TSPEAR: variants seen among roughly 807,000 people sequenced by gnomAD.
TSPEAR encodes the protein thrombospondin type laminin G domain and EAR repeats.
Under a neutral mutation model 71.6 loss-of-function variants are expected in TSPEAR, and 69 were observed. The ratio of observed to expected loss-of-function variants is 0.96; its 90% CI spans 0.79 to 1.18. The LOEUF (loss-of-function observed/expected upper bound fraction) is 1.18. TSPEAR is among the 50% of genes most tolerant of loss of function. TSPEAR has a pLI of 0.00. For missense variants in TSPEAR, 971 were observed against 894.9 expected, an observed-to-expected ratio of 1.09 and a Z score of -1.09; for synonymous variants, 402 against 387.2, an observed-to-expected ratio of 1.04 and a Z score of -0.45.
At chr21:44,685,332 G>A (rs1305605209) in intron 1 of TSPEAR, among the ~76,000 whole-genome samples, 1 of 152,060 alleles carries the variant, frequency 6.6e-6, no homozygotes, top group African/African-American at 2.4e-5. Context: ...AGAGAACAGA[G>A]CTGGAGTGTG....
intron 2 of TSPEAR, among the ~76,000 whole-genome samples, chr21:44,559,502 C>T (rs2053602980): frequency 1.3e-5 from 2 of 152,170 alleles, no homozygotes; most frequent in African/African-American, 4.8e-5. Context: ...ATAGTGTTCA[C>T]ACCTTCTCCT....
intron 1 of TSPEAR, among the ~76,000 whole-genome samples, chr21:44,653,427 G>A (rs1391370349): frequency 2.6e-5 from 4 of 152,286 alleles, no homozygotes; most frequent in African/African-American, 9.6e-5. Flanking sequence ...CTGAAACACG[G>A]AGCCGGAATC....
intron 2 of TSPEAR, among the ~76,000 whole-genome samples, chr21:44,541,220 G>A (rs1351307714): frequency 6.6e-6 from 1 of 152,164 alleles, no homozygotes; most frequent in Non-Finnish European, 1.5e-5. Context: ...CTAAAATCAT[G>A]CCTGGCCCAA....
intron 9 of TSPEAR, 77 bp from the exon 10 acceptor site, chr21:44,509,463 G>T (rs1252280236): frequency 3.9e-6 from 4 of 1,026,708 alleles, no homozygotes; most frequent in Non-Finnish European, 4.2e-6. Flanking sequence ...GCAGAGGTGT[G>T]GGGGAGCGGG....
chr21:44,564,000 A>G (rs1394121998), intron 2 of TSPEAR, among the ~76,000 whole-genome samples: 1 of 152,164 alleles, frequency 6.6e-6, no homozygotes, highest in East Asian at 1.9e-4. Context: ...CATTTTAAAC[A>G]GTAAAGTCAC....
At position 44,525,858 on chromosome 21, in the gene TSPEAR, G is replaced by A. The variant is rs368893224; in HGVS notation, c.1150-19C>T. ...GGAAGATCTGAAAGAGAGTAAACCG[G>A]GACCACGTGGTTCTGCTTGGGTCGG... is the stretch of plus-strand genomic sequence containing the variant. On this transcript the variant is annotated intron_variant, in intron 7 of 11. Transcript: ENST00000323084. 117 of 1,613,226 alleles carry A rather than the reference G, an allele frequency of 7.3e-5. No homozygotes were observed. The highest frequency in any genetic ancestry group is 4.7e-4 in the Admixed American group (28 of 59,976).
At chr21:44,701,222 T>C (rs1221637100) in intron 1 of TSPEAR, among the ~76,000 whole-genome samples, 1 of 152,126 alleles carries the variant, frequency 6.6e-6, no homozygotes, top group Non-Finnish European at 1.5e-5. Flanking sequence ...TGCCCAGAGC[T>C]CCCACCATCT....
chr21:44,611,198 A>C (rs1981645663), intron 1 of TSPEAR, among the ~76,000 whole-genome samples: 1 of 152,178 alleles, frequency 6.6e-6, no homozygotes, highest in Admixed American at 6.5e-5. Context: ...GGCCAGGGAC[A>C]GAATGATATG....
chr21:44,702,739 C>T (rs1481909574), intron 1 of TSPEAR: 14 of 1,427,824 alleles, frequency 9.8e-6, no homozygotes, highest in East Asian at 6.9e-5. Context: ...CCTCCTCTGC[C>T]GCCGTGTGTG....
At chr21:44,651,736 G>A (rs895942425) in intron 1 of TSPEAR, among the ~76,000 whole-genome samples, 6 of 152,162 alleles carry the variant, frequency 3.9e-5, no homozygotes, top group African/African-American at 7.2e-5. Flanking sequence ...TTAGCCACAC[G>A]TGTGAAGTCC....
intron 1 of TSPEAR, chr21:44,574,793 C>A (rs1555923572): frequency 1.2e-6 from 2 of 1,614,210 alleles, no homozygotes; most frequent in Non-Finnish European, 1.7e-6. Flanking sequence ...AATCTAGCTG[C>A]CAGCCAGCTT....
chr21:44,521,307 C>T (rs1336148920), intron 9 of TSPEAR, among the ~76,000 whole-genome samples: 5 of 152,360 alleles, frequency 3.3e-5, no homozygotes, highest in Middle Eastern at 3.4e-3. Flanking sequence ...TTGCTGGGAG[C>T]AGGCAGCACG....
chr21:44,628,619 C>T (rs1167309356), intron 1 of TSPEAR, among the ~76,000 whole-genome samples: 2 of 151,940 alleles, frequency 1.3e-5, no homozygotes, highest in African/African-American at 4.8e-5. Context: ...ACAGACACCA[C>T]GTGACTCAGG....
At chr21:44,637,708 TGTCTGCTGTGTGCCC>T (rs782171437) in intron 1 of TSPEAR, 80,459 of 482,524 alleles carry the variant, frequency 0.17, 2,536 homozygotes, top group Middle Eastern at 0.32. Flanking sequence ...GCTGTGTGCC[TGTCTGCTGTGTGCCC>T]GTCTGCTGCG....
intron 1 of TSPEAR, among the ~76,000 whole-genome samples, chr21:44,608,839 T>C (rs745695281): frequency 7.1e-4 from 108 of 152,362 alleles, no homozygotes; most frequent in Non-Finnish European, 1.2e-3. Context: ...CATATGCCTA[T>C]CTATGACCAA....
At chr21:44,540,375 C>T (rs587606029) in intron 2 of TSPEAR, among the ~76,000 whole-genome samples, 6 of 152,226 alleles carry the variant, frequency 3.9e-5, no homozygotes, top group Admixed American at 6.5e-5. Context: ...GTGATGTGGC[C>T]CAGGTCATAA....
At chr21:44,675,264 A>T (rs1025563452) in intron 1 of TSPEAR, among the ~76,000 whole-genome samples, 2 of 152,210 alleles carry the variant, frequency 1.3e-5, no homozygotes, top group African/African-American at 4.8e-5. Context: ...TGCAAGGGTG[A>T]TTCAACATAC....
At chr21:44,660,409 G>T (rs779887384) in intron 1 of TSPEAR, among the ~76,000 whole-genome samples, 52 of 152,288 alleles carry the variant, frequency 3.4e-4, no homozygotes, top group Non-Finnish European at 6.6e-4. Context: ...CAGACTACGA[G>T]CATAAGGACA....
rs1555953403 is a variant in TSPEAR at position 44,710,563 on chromosome 21, G to C, written c.82+870C>G. Among the ~76,000 whole-genome samples the C allele has an allele frequency of 6.6e-6, 1 of 152,136 alleles. No individual in the cohort carries two copies. Among genetic ancestry groups the C allele is most frequent in the Non-Finnish European group, 1.5e-5 (1 of 68,030 alleles). On this transcript the variant is annotated intron_variant, in intron 1 of 11. Transcript: ENST00000323084. This position sits in a 1 kb window ranked among gnomAD's most constrained non-coding sequence, Gnocchi z 4.6. The stretch of plus-strand genomic sequence containing the variant: ...CGGGGGTGGACTTCATCTATTCCAG[G>C]GAACCAAGGATGCATGATTTGCAAA...
Sources: allele counts gnomAD v4.1 joint callset (sites outside exome capture counted in the v4.1 genomes callset), GRCh38; gene constraint gnomAD v4.1.1; non-coding constraint Gnocchi (gnomAD v3.1); transcripts MANE v1.5; gene names NCBI Gene and HGNC (gene_info 2026-07-23, HGNC 2026-07-21).